The following BRWD1 variants were observed in gnomAD, a reference collection of about 807,000 sequenced individuals.
BRWD1 encodes bromodomain and WD repeat domain containing 1, also known as bromodomain and WD repeat-containing protein 1.
In BRWD1, 82 loss-of-function variants were observed where a neutral mutation model predicts 251.2. That is an observed-to-expected ratio of 0.33 (90% CI 0.27 to 0.39). The LOEUF (loss-of-function observed/expected upper bound fraction) is 0.39, where lower values mean the gene tolerates loss of function less well. Among genes scored for constraint, BRWD1 ranks in the 10% least tolerant of loss-of-function variants. The pLI, the probability that BRWD1 is intolerant of heterozygous loss-of-function variation, is 1.00. For synonymous variants in BRWD1, 918 were observed against 902.8 expected (o/e 1.02, Z -0.30); for missense variants, 2,233 against 2,711.6 (o/e 0.82, Z 3.92).
upstream of BRWD1, chr21:39,314,177 C>T (rs2036637445): frequency 4.4e-6 from 2 of 455,996 alleles, no homozygotes; most frequent in Non-Finnish European, 8.8e-6. Flanking sequence ...TGAGGATTGG[C>T]TCGCCGCGCC....
chr21:39,260,138 A>G (rs2034693366), intron 17 of BRWD1, among the ~76,000 whole-genome samples: 1 of 152,228 alleles, frequency 6.6e-6, no homozygotes, highest in Non-Finnish European at 1.5e-5. Context: ...AAATGAGTTG[A>G]AAAGGCAGTA....
intron 29 of BRWD1, among the ~76,000 whole-genome samples, chr21:39,221,786 T>C (rs2033187501): frequency 6.6e-6 from 1 of 151,762 alleles, no homozygotes; most frequent in Admixed American, 6.6e-5. Context: ...TGCCTATAGT[T>C]CCAGCTACTC....
intron 21 of BRWD1, among the ~76,000 whole-genome samples, chr21:39,244,921 A>AATACATATATATATATAT (rs1330847340): frequency 2.7e-5 from 3 of 112,524 alleles, no homozygotes; most frequent in Non-Finnish European, 5.7e-5. Flanking sequence ...CTTTGGAAGA[A>AATACATATATATATATAT]ATATATATAT....
intron 36 of BRWD1, among the ~76,000 whole-genome samples, chr21:39,206,807 ATTTGT>A (rs1438222474): frequency 1.3e-5 from 2 of 152,242 alleles, no homozygotes; most frequent in Non-Finnish European, 2.9e-5. Context: ...CATATGAAAG[ATTTGT>A]TTTAACAATG....
chr21:39,291,686 G>A (rs2035811882), intron 8 of BRWD1, among the ~76,000 whole-genome samples: 1 of 152,018 alleles, frequency 6.6e-6, no homozygotes, highest in South Asian at 2.1e-4. Flanking sequence ...TCCTAACCCT[G>A]AGCCTCATTG....
At chr21:39,213,913 A>AATAT (rs914003470) in intron 32 of BRWD1, among the ~76,000 whole-genome samples, 5 of 150,158 alleles carry the variant, frequency 3.3e-5, no homozygotes, top group Non-Finnish European at 5.9e-5. Flanking sequence ...AGGTAAAAAA[A>AATAT]ATATATATAT....
chr21:39,196,569 T>G lies in BRWD1; in HGVS notation c.6500A>C (p.Asp2167Ala). Residue 2167 changes from aspartate to alanine, a missense_variant, in exon 41 of 41, where the codon GAT becomes GCT. Transcript: ENST00000342449. ...TTTTGTATTATCAGTACAGTCAATA[T>G]CTGATTCAGTTACAGATCCCAAATC... Reference protein sequence around the residue: ...SSDLGSVTESDIDCTDNTKTK... With the variant: ...SSDLGSVTESAIDCTDNTKTK... 6.2e-7 allele frequency: 1 copy of G among 1,613,570 alleles called. No individual in the cohort carries two copies. The highest frequency in any genetic ancestry group is 8.5e-7 in the Non-Finnish European group (1 of 1,179,760).
intron 20 of BRWD1, among the ~76,000 whole-genome samples, chr21:39,250,461 A>G (rs1274644229): frequency 6.6e-6 from 1 of 152,136 alleles, no homozygotes; most frequent in Non-Finnish European, 1.5e-5. Context: ...CTGCTTTCCA[A>G]GTAATTAAAA....
At chr21:39,203,628 C>T (rs1323472385) in intron 37 of BRWD1, among the ~76,000 whole-genome samples, 3 of 150,436 alleles carry the variant, frequency 2.0e-5, no homozygotes, top group Admixed American at 6.6e-5. Context: ...AGGATGGTCT[C>T]GATCTCCTGA....
chr21:39,286,476 C>G (rs971176055), intron 8 of BRWD1, among the ~76,000 whole-genome samples: 2 of 151,926 alleles, frequency 1.3e-5, no homozygotes, highest in Non-Finnish European at 2.9e-5. Flanking sequence ...AAGTAGGCAA[C>G]CAAACTTCTG....
chr21:39,285,457 C>T (rs6517539), intron 8 of BRWD1, among the ~76,000 whole-genome samples: 141,094 of 152,230 alleles, frequency 0.93, 65,731 homozygotes, highest in African/African-American at 0.97. Context: ...CATTTCAAGA[C>T]AGCTAGAAGA....
chr21:39,297,958 A>G (rs1379091960), intron 5 of BRWD1: 404 of 985,330 alleles, frequency 4.1e-4, no homozygotes, highest in Non-Finnish European at 4.7e-4. Flanking sequence ...AATTAGTAAA[A>G]AAAGAACCAT....
intron 38 of BRWD1, among the ~76,000 whole-genome samples, chr21:39,201,023 C>A (rs2032083112): frequency 6.6e-6 from 1 of 152,142 alleles, no homozygotes. Context: ...CATGTCTACT[C>A]CCTTCTGTGA....
In BRWD1 at chr21:39,192,817, TG is replaced by T; in HGVS notation, c.*3441del. On this transcript the variant is annotated 3_prime_UTR_variant, in exon 41 of 41. Coordinates refer to ENST00000342449, the MANE Select transcript of BRWD1 (RefSeq NM_033656.4). ...TGCATTCTACTGATATACAAACCTCTGGGGTTTCAGTTGGCACAATCAAGTT... is the reference window on the plus strand; with the variant it reads ...TGCATTCTACTGATATACAAACCTCTGGGTTTCAGTTGGCACAATCAAGTT... 1 of 985,168 alleles carries T rather than the reference TG, an allele frequency of 1.0e-6. No homozygotes were observed. Among genetic ancestry groups the T allele is most frequent in the Non-Finnish European group, 1.2e-6 (1 of 829,766 alleles). The allele number at this position is 985,168 out of a possible 1,614,324, so 61.0% of individuals were successfully genotyped here.
At chr21:39,215,116 G>C in intron 32 of BRWD1, 121 bp downstream of exon 32, 1 of 910,702 alleles carries the variant, frequency 1.1e-6, no homozygotes, top group Non-Finnish European at 1.7e-6. Context: ...GTGATCTGAC[G>C]GCCTTCACTT....
intron 8 of BRWD1, among the ~76,000 whole-genome samples, chr21:39,288,624 A>T (rs1233093783): frequency 6.6e-6 from 1 of 152,256 alleles, no homozygotes; most frequent in Non-Finnish European, 1.5e-5. Flanking sequence ...CAAAAAACTT[A>T]ACTATTGATA....
At chr21:39,234,671 C>A (rs555358140) in intron 23 of BRWD1, among the ~76,000 whole-genome samples, 30 of 152,286 alleles carry the variant, frequency 2.0e-4, no homozygotes, top group Non-Finnish European at 3.8e-4. Flanking sequence ...TTCAATAGCA[C>A]CAACAGCTCA....
upstream of BRWD1, among the ~76,000 whole-genome samples, chr21:39,317,863 A>G (rs919517112): frequency 6.6e-6 from 1 of 152,112 alleles, no homozygotes; most frequent in African/African-American, 2.4e-5. Context: ...CTGGTCTTAA[A>G]CATAGTGAGA....
intron 3 of BRWD1, 57 bp from the exon 4 acceptor site, chr21:39,312,957 G>C (rs2036549790): frequency 4.3e-6 from 2 of 465,796 alleles, no homozygotes; most frequent in Non-Finnish European, 3.0e-6. Context: ...GGGGGGCGGG[G>C]GGCGGGGGGC....
Sources: gnomAD v4.1 joint callset for allele counts (sites outside exome capture counted in the v4.1 genomes callset) on GRCh38, gnomAD v4.1.1 for gene constraint, MANE v1.5 for transcripts, NCBI Gene and HGNC (gene_info 2026-07-23, HGNC 2026-07-21) for gene names.